Variants in BRPF3 observed in about 807,000 individuals in gnomAD.
BRPF3 encodes the protein bromodomain and PHD finger-containing protein 3.
BRPF3 carries 18 observed loss-of-function variants against 102.0 expected under a neutral mutation model. That is an observed-to-expected ratio of 0.18 (90% CI 0.12 to 0.26). The LOEUF (loss-of-function observed/expected upper bound fraction) is 0.26. BRPF3 is among the 10% of genes least tolerant of loss of function. The probability of loss-of-function intolerance (pLI) is 1.00; values close to 1 mark genes in which losing one functional copy is unlikely to be tolerated. For missense variants in BRPF3, 1,147 were observed against 1,567.8 expected (o/e 0.73, Z 4.53); for synonymous variants, 570 against 614.2 (o/e 0.93, Z 1.06).
chr6:36,204,111 G>A (rs1475649365), intron 2 of BRPF3, among the ~76,000 whole-genome samples: 1 of 151,388 alleles, frequency 6.6e-6, no homozygotes, highest in East Asian at 1.9e-4. Flanking sequence ...TTTTCATTTG[G>A]TTCAAAATTA....
chr6:36,222,923 G>T (rs759828045), intron 10 of BRPF3, among the ~76,000 whole-genome samples: 1 of 152,208 alleles, frequency 6.6e-6, no homozygotes, highest in South Asian at 2.1e-4. Context: ...GTGTGTGTTT[G>T]TAGTTTTCAT....
At position 36,214,346 on chromosome 6, in the gene BRPF3, G is replaced by T; in HGVS notation, c.2949G>T (p.Glu983Asp). 6.2e-7 allele frequency: 1 copy of T among 1,606,746 alleles called. No homozygotes were observed. The highest frequency in any genetic ancestry group is 1.1e-5 in the South Asian group (1 of 90,474). ...GGCCAAGGAGCAGGAGCTGTAGTGA[G>T]AGCGAAGGGGAGAGGTCCCCCCAGC... ...RKRPRSRSCS[E>D]SEGERSPQQE... The change falls in exon 8 of 13, where the codon GAG (glutamate) becomes GAT (aspartate). Residue 983 changes from glutamate to aspartate, a missense_variant. Coordinates refer to ENST00000357641, the MANE Select transcript of BRPF3 (RefSeq NM_015695.3).
intron 2 of BRPF3, among the ~76,000 whole-genome samples, chr6:36,203,539 T>C (rs773938740): frequency 6.6e-6 from 1 of 152,184 alleles, no homozygotes; most frequent in Non-Finnish European, 1.5e-5. Context: ...ATCTGTCCTT[T>C]GGGGAGAGGC....
At chr6:36,199,660 C>T (rs1394809262) in intron 1 of BRPF3, among the ~76,000 whole-genome samples, 3 of 152,158 alleles carry the variant, frequency 2.0e-5, no homozygotes, top group Non-Finnish European at 2.9e-5. Flanking sequence ...TTTTCTAAAC[C>T]GTTAACTACA....
intron 12 of BRPF3, among the ~76,000 whole-genome samples, chr6:36,229,830 CA>C (rs1768873800): frequency 6.6e-6 from 1 of 152,170 alleles, no homozygotes; most frequent in Non-Finnish European, 1.5e-5. Flanking sequence ...TTTAAGTCTT[CA>C]TTAATCCCCT....
chr6:36,200,586 C>T lies in BRPF3; in HGVS notation c.264C>T (p.Gly88=). The T allele has an allele frequency of 6.2e-7, 1 of 1,614,198 alleles. No individual in the cohort carries two copies. Among genetic ancestry groups the T allele is most frequent in the Non-Finnish European group, 8.5e-7 (1 of 1,180,036 alleles). ...KENSEQPQFP[G]KSKKPSSKGK... ...ACAGTGAACAGCCTCAGTTCCCTGG[C>T]AAGTCCAAGAAACCCTCATCCAAGG... Residue 88 remains glycine (G), a synonymous_variant, in exon 2 of 13, where the codon GGC becomes GGT. Transcript: ENST00000357641. The surrounding 1 kb of genome is among the most constrained non-coding windows in gnomAD (Gnocchi z 5.3).
intron 11 of BRPF3, among the ~76,000 whole-genome samples, chr6:36,226,066 ACCATATTT>A (rs1483971813): frequency 1.3e-5 from 2 of 152,220 alleles, no homozygotes; most frequent in African/African-American, 4.8e-5. Context: ...GTATGCATGT[ACCATATTT>A]TAACCATTCC....
At chr6:36,229,591 AG>A (rs1239315937) in intron 12 of BRPF3, among the ~76,000 whole-genome samples, 1 of 152,106 alleles carries the variant, frequency 6.6e-6, no homozygotes, top group Non-Finnish European at 1.5e-5. Flanking sequence ...TTCCGTCCTG[AG>A]GGGGGTTCTG....
At position 36,211,360 on chromosome 6, in the gene BRPF3, G is replaced by A; in HGVS notation, c.2282G>A (p.Ser761Asn). The A allele has an allele frequency of 1.9e-6, 3 of 1,614,256 alleles. No homozygotes were observed. In the South Asian group the frequency reaches 3.3e-5, roughly 18 times the overall value. Residue 761 changes from serine to asparagine, a missense_variant, in exon 7 of 13, where the codon AGT (serine) becomes AAT (asparagine). Coordinates refer to ENST00000357641, the MANE Select transcript of BRPF3 (RefSeq NM_015695.3). ...GACCTGGTGAGCGCCATGCGGTCCA[G>A]TGGGGCCCGCACCCGTCGTGTCCGC... ...KLDLVSAMRS[S>N]GARTRRVRLL... is the part of the protein sequence containing the mutation.
chr6:36,203,027 A>G (rs1227824653), intron 2 of BRPF3, among the ~76,000 whole-genome samples: 2 of 152,222 alleles, frequency 1.3e-5, no homozygotes, highest in East Asian at 1.9e-4. Flanking sequence ...TGTGTTTTCT[A>G]GTCACAGAGC....
Position 36,230,474 on chromosome 6 carries a change from C to T in BRPF3, c.3483C>T (p.Thr1161=), listed in dbSNP as rs752340802. ...TCCTGCCCTTGGGTGTGGAAGACAC[C>T]GTGGACAAGCTCAAGATGCTGGAAG... is the stretch of plus-strand genomic sequence containing the variant. ...DKVLPLGVED[T]VDKLKMLEGR... is the part of the protein sequence containing the mutation. Residue 1161 remains threonine (T), a synonymous_variant, in exon 13 of 13, where the codon ACC becomes ACT. Transcript: ENST00000357641. This position sits in a 1 kb window ranked among gnomAD's most constrained non-coding sequence, Gnocchi z 5.4. 9.3e-6 allele frequency: 15 copies of T among 1,613,976 alleles called. No individual in the cohort carries two copies. The highest frequency in any genetic ancestry group is 1.2e-5 in the Non-Finnish European group (14 of 1,180,014).
intron 8 of BRPF3, 142 bp from the exon 9 acceptor site, chr6:36,217,775 C>T: frequency 1.6e-6 from 1 of 623,374 alleles, no homozygotes; most frequent in South Asian, 2.1e-5. Context: ...TCTCTATCAC[C>T]CAAGACCCAT....
At chr6:36,227,379 T>G (rs1366530602) in intron 11 of BRPF3, among the ~76,000 whole-genome samples, 1 of 152,260 alleles carries the variant, frequency 6.6e-6, no homozygotes, top group Non-Finnish European at 1.5e-5. Context: ...GTTCGCATAT[T>G]CATATTATAG....
chr6:36,211,450 C>T lies in BRPF3; in HGVS notation c.2372C>T (p.Pro791Leu), dbSNP rs755256186. ...GCACAGCCACCACCACCACAGCCAC[C>T]ATCACTCAACAAGACAGTATCCAAT... Reference protein sequence around the residue: ...KLAQPPPPQPPSLNKTVSNGE... With the variant: ...KLAQPPPPQPLSLNKTVSNGE... Residue 791 changes from proline (P) to leucine (L), a missense_variant, in exon 7 of 13, where the codon CCA becomes CTA. Pro to Leu is a moderately conservative substitution (Grantham distance 98). This residue lies in a region of BRPF3 where 379 missense variants were observed against 426.3 expected (regional missense o/e 0.89). Coordinates refer to ENST00000357641, the MANE Select transcript of BRPF3 (RefSeq NM_015695.3). 5 of 1,607,094 alleles carry T rather than the reference C, an allele frequency of 3.1e-6. No individual in the cohort carries two copies. The highest frequency in any genetic ancestry group is 3.4e-6 in the Non-Finnish European group (4 of 1,176,976).
In BRPF3 at chr6:36,210,189, G is replaced by A; in HGVS notation, c.1867-27G>A. On this transcript the variant is annotated intron_variant, in intron 5 of 12. Coordinates refer to ENST00000357641, the MANE Select transcript of BRPF3 (RefSeq NM_015695.3). This position sits in a 1 kb window ranked among gnomAD's most constrained non-coding sequence, Gnocchi z 4.7. ...TCTGTTTGGCTAGTAAATGGTTGTT[G>A]TAATTGTACAGGTTTTATATGTTTA... 2 of 1,612,364 alleles carry A rather than the reference G, an allele frequency of 1.2e-6. No individual in the cohort carries two copies. Among genetic ancestry groups the A allele is most frequent in the Non-Finnish European group, 1.7e-6 (2 of 1,178,452 alleles).
Position 36,210,098 on chromosome 6 carries a change from C to A in BRPF3, c.1867-118C>A. The stretch of plus-strand genomic sequence containing the variant: ...GCCAGGGTGGGCCAGGACTGTAGGT[C>A]TTTGAGTTAGCCTGGCATGGCCAAA... On this transcript the variant is annotated intron_variant, in intron 5 of 12. Coordinates refer to ENST00000357641, the MANE Select transcript of BRPF3 (RefSeq NM_015695.3). The surrounding 1 kb of genome is among the most constrained non-coding windows in gnomAD (Gnocchi z 4.7). The A allele has an allele frequency of 6.9e-7, 1 of 1,440,054 alleles. No individual in the cohort carries two copies. The highest frequency in any genetic ancestry group is 9.6e-7 in the Non-Finnish European group (1 of 1,037,922). 89.2% of individuals were successfully genotyped at this position (1,440,054 alleles called of 1,614,324 possible). A position where few individuals can be genotyped will look rare whatever the true frequency, so the allele number is the denominator to read the frequency against.
chr6:36,197,486 C>T (rs1226065873), intron 1 of BRPF3: 1 of 152,346 alleles, frequency 6.6e-6, no homozygotes, highest in African/African-American at 2.4e-5. Context: ...GGTCAAGATT[C>T]TTCTGGAAGA....
At chr6:36,221,459 G>T (rs1326607811) in intron 9 of BRPF3, among the ~76,000 whole-genome samples, 4 of 151,774 alleles carry the variant, frequency 2.6e-5, no homozygotes, top group African/African-American at 7.3e-5. Context: ...GCTAATTTGT[G>T]TATTTTTAGT....
At chr6:36,213,773 C>CGTTGTTGTTGGCTG in intron 7 of BRPF3, 107 bp from the exon 8 acceptor site, 1 of 1,195,770 alleles carries the variant, frequency 8.4e-7, no homozygotes, top group African/African-American at 1.5e-5. Flanking sequence ...CATCTCAAGC[C>CGTTGTTGTTGGCTG]TTATAACAGC....
Sources: gnomAD v4.1 joint callset for allele counts (sites outside exome capture counted in the v4.1 genomes callset) on GRCh38, gnomAD v4.1.1 for gene constraint, gnomAD v4.1.1 regional missense constraint, Gnocchi (gnomAD v3.1) non-coding constraint, MANE v1.5 for transcripts, NCBI Gene and HGNC (gene_info 2026-07-23, HGNC 2026-07-21) for gene names.